The following SHISAL2B variants were observed in gnomAD, a reference collection of about 807,000 sequenced individuals.
The protein encoded by SHISAL2B is shisa like 2B.
A neutral mutation model predicts 16.5 loss-of-function variants in SHISAL2B; 12 were observed. The observed-to-expected ratio is 0.73, with a 90% confidence interval of 0.47 to 1.18. SHISAL2B has a LOEUF of 1.18. SHISAL2B is among the 50% of genes most tolerant of loss of function. The pLI, the probability that SHISAL2B is intolerant of heterozygous loss-of-function variation, is 0.00. For synonymous variants in SHISAL2B, 72 were observed against 75.0 expected, an observed-to-expected ratio of 0.96 and a Z score of 0.21; for missense variants, 183 against 193.6, an observed-to-expected ratio of 0.95 and a Z score of 0.33.
At position 64,701,289 on chromosome 5, in the gene SHISAL2B, C is replaced by G. The variant is rs150954054; in HGVS notation, c.349+5625C>G. Among the ~76,000 whole-genome samples the G allele has an allele frequency of 2.9e-3, 439 of 152,244 alleles. 1 individual carries two copies. Among genetic ancestry groups the G allele is most frequent in the African/African-American group, 8.8e-3 (365 of 41,536 alleles). Reference sequence around the variant, plus strand: ...CTATGTGAGAGAAAGGAGCCTGTGTCTCCAGAATTCTAAGGGCTAGAGTAG... The same window carrying G: ...CTATGTGAGAGAAAGGAGCCTGTGTGTCCAGAATTCTAAGGGCTAGAGTAG... On this transcript the variant is annotated intron_variant, in intron 2 of 2. Coordinates refer to ENST00000389074, the MANE Select transcript of SHISAL2B (RefSeq NM_001164442.2).
At chr5:64,691,321 GA>G (rs1463248546) in intron 1 of SHISAL2B, 1 of 153,376 alleles carries the variant, frequency 6.5e-6, no homozygotes, top group African/African-American at 2.4e-5. Flanking sequence ...AAGACTCTTT[GA>G]GGGGTGTGAA....
chr5:64,708,700 T>G (rs1741907785), intron 2 of SHISAL2B, among the ~76,000 whole-genome samples: 1 of 152,226 alleles, frequency 6.6e-6, no homozygotes. Context: ...TCTTAAATTT[T>G]TCATGCCATC....
intron 1 of SHISAL2B, among the ~76,000 whole-genome samples, chr5:64,694,648 G>T (rs549574731): frequency 1.8e-3 from 267 of 152,264 alleles, no homozygotes; most frequent in African/African-American, 6.0e-3. Context: ...TTGACATTAT[G>T]CCCTTTTAGA....
At chr5:64,705,435 T>C (rs532509033) in intron 2 of SHISAL2B, among the ~76,000 whole-genome samples, 7 of 152,268 alleles carry the variant, frequency 4.6e-5, no homozygotes, top group African/African-American at 1.7e-4. Flanking sequence ...AATTTAAGTA[T>C]GTAAAAAGCT....
intron 1 of SHISAL2B, among the ~76,000 whole-genome samples, chr5:64,692,542 C>T (rs1741665653): frequency 6.6e-6 from 1 of 152,104 alleles, no homozygotes; most frequent in South Asian, 2.1e-4. Flanking sequence ...GCTTCATTTG[C>T]CCCCTATTCT....
chr5:64,709,102 A>G lies in SHISAL2B; in HGVS notation c.350-8787A>G, dbSNP rs374134036. 1.6e-4 allele frequency among the ~76,000 whole-genome samples: 24 copies of G among 148,364 alleles called. 1 individual carries two copies. Among genetic ancestry groups the G allele is most frequent in the East Asian group, 1.4e-3 (7 of 5,022 alleles). On this transcript the variant is annotated intron_variant, in intron 2 of 2. Transcript: ENST00000389074. Reference sequence around the variant, plus strand: ...TGCACATTGTGCGGGTTAGTTACATATGTATACATGTGCCATGCTGGTGCA... The same window carrying G: ...TGCACATTGTGCGGGTTAGTTACATGTGTATACATGTGCCATGCTGGTGCA...
intron 1 of SHISAL2B, among the ~76,000 whole-genome samples, chr5:64,691,062 C>T (rs1741641542): frequency 6.6e-6 from 1 of 152,212 alleles, no homozygotes; most frequent in South Asian, 2.1e-4. Flanking sequence ...GCGGGCTTTG[C>T]GCCCAGGGCG....
At chr5:64,693,113 T>C (rs1741677012) in intron 1 of SHISAL2B, among the ~76,000 whole-genome samples, 1 of 152,106 alleles carries the variant, frequency 6.6e-6, no homozygotes, top group African/African-American at 2.4e-5. Context: ...GTTCACGCCA[T>C]TCTCCTGCCT....
At chr5:64,693,094 G>A (rs757469331) in intron 1 of SHISAL2B, among the ~76,000 whole-genome samples, 2 of 151,404 alleles carry the variant, frequency 1.3e-5, no homozygotes, top group African/African-American at 2.4e-5. Context: ...TGCAACCTTC[G>A]CCTTCCGGGT....
At chr5:64,693,013 CTT>C (rs879508270) in intron 1 of SHISAL2B, among the ~76,000 whole-genome samples, 3 of 145,280 alleles carry the variant, frequency 2.1e-5, no homozygotes, top group Non-Finnish European at 1.5e-5. Context: ...ATTTCTTCTC[CTT>C]TTTTTTTTTT....
At chr5:64,711,051 C>G (rs1248824502) in intron 2 of SHISAL2B, among the ~76,000 whole-genome samples, 2 of 140,338 alleles carry the variant, frequency 1.4e-5, no homozygotes, top group Admixed American at 1.4e-4. Flanking sequence ...CCTGATTGCC[C>G]TGGCCAGAAC....
chr5:64,701,228 T>G (rs80127828), intron 2 of SHISAL2B, among the ~76,000 whole-genome samples: 10,203 of 152,208 alleles, frequency 0.067, 1,117 homozygotes, highest in African/African-American at 0.23. Flanking sequence ...GTTGGTTGAA[T>G]CTACAGATGC....
At chr5:64,712,829 G>A (rs1198510636) in intron 2 of SHISAL2B, among the ~76,000 whole-genome samples, 107 of 150,834 alleles carry the variant, frequency 7.1e-4, no homozygotes, top group Non-Finnish European at 1.2e-3. Context: ...TTGTTGGTTT[G>A]AAGTCTGTTT....
intron 1 of SHISAL2B, chr5:64,694,073 C>G: frequency 2.2e-6 from 1 of 455,734 alleles, no homozygotes; most frequent in Middle Eastern, 3.3e-4. Context: ...TCCCTTCCCT[C>G]CCTTTTGGTA....
chr5:64,707,244 TTTTA>T (rs200650652), intron 2 of SHISAL2B, among the ~76,000 whole-genome samples: 2 of 152,046 alleles, frequency 1.3e-5, no homozygotes, highest in Non-Finnish European at 2.9e-5. Context: ...AGATAAGACT[TTTTA>T]TTTATTTATT....
chr5:64,690,911 C>A, intron 1 of SHISAL2B, 97 bp downstream of exon 1: 5 of 1,079,646 alleles, frequency 4.6e-6, no homozygotes, highest in South Asian at 1.8e-5. Context: ...TCCCCCGCGT[C>A]CCCGCTATCC....
intron 2 of SHISAL2B, among the ~76,000 whole-genome samples, chr5:64,715,337 TGAAAA>T (rs1467138395): frequency 2.6e-5 from 4 of 151,054 alleles, no homozygotes; most frequent in African/African-American, 4.9e-5. Context: ...TGCTATATGG[TGAAAA>T]GAAGAGGATG....
At position 64,690,602 on chromosome 5, in the gene SHISAL2B, C is replaced by G; in HGVS notation, c.-22C>G. On this transcript the variant is annotated 5_prime_UTR_variant, in exon 1 of 3. Transcript: ENST00000389074. ...GAGAGCAGACCGGGGCCCTCGCGAG[C>G]CTCTCCCGGCCCCTGCCCGCGATGA... 6.9e-7 allele frequency: 1 copy of G among 1,445,314 alleles called. No individual in the cohort carries two copies. Among genetic ancestry groups the G allele is most frequent in the Non-Finnish European group, 9.1e-7 (1 of 1,096,134 alleles). The allele number at this position is 1,445,314 out of a possible 1,614,324, so 89.5% of individuals were successfully genotyped here.
intron 2 of SHISAL2B, among the ~76,000 whole-genome samples, chr5:64,709,114 G>A (rs1218731819): frequency 6.8e-6 from 1 of 147,250 alleles, no homozygotes; most frequent in Non-Finnish European, 1.5e-5. Context: ...GTATACATGT[G>A]CCATGCTGGT....
Sources: gnomAD v4.1 joint callset for allele counts (sites outside exome capture counted in the v4.1 genomes callset) on GRCh38, gnomAD v4.1.1 for gene constraint, MANE v1.5 for transcripts, NCBI Gene and HGNC (gene_info 2026-07-23, HGNC 2026-07-21) for gene names.